The following HEATR5A variants were observed in gnomAD, a reference collection of about 807,000 sequenced individuals.
HEATR5A encodes HEAT repeat containing 5A, also known as HEAT repeat-containing protein 5A.
In HEATR5A, 178 loss-of-function variants were observed where a neutral mutation model predicts 218.8. That is an observed-to-expected ratio of 0.81 (90% CI 0.72 to 0.92). HEATR5A has a LOEUF of 0.92. Among genes scored for constraint, HEATR5A ranks in the 40% least tolerant of loss-of-function variants. HEATR5A has a pLI of 0.00. For missense variants in HEATR5A, 2,420 were observed against 2,418.9 expected, an observed-to-expected ratio of 1.00 and a Z score of -0.01; for synonymous variants, 864 against 871.6, an observed-to-expected ratio of 0.99 and a Z score of 0.15.
chr14:31,302,093 A>T (rs1899402461), intron 33 of HEATR5A, among the ~76,000 whole-genome samples: 1 of 151,816 alleles, frequency 6.6e-6, no homozygotes, highest in Non-Finnish European at 1.5e-5. Flanking sequence ...TGGCCTCCCA[A>T]AGTGCTGGGC....
intron 22 of HEATR5A, among the ~76,000 whole-genome samples, chr14:31,336,213 C>CATATATATATATAT (rs371848651): frequency 6.6e-5 from 6 of 90,728 alleles, no homozygotes; most frequent in Non-Finnish European, 1.2e-4. Context: ...TATATACATA[C>CATATATATATATAT]ATACATATAT....
At chr14:31,374,515 C>T (rs1189663070) in intron 12 of HEATR5A, among the ~76,000 whole-genome samples, 3 of 152,056 alleles carry the variant, frequency 2.0e-5, no homozygotes, top group African/African-American at 4.8e-5. Flanking sequence ...TTAAACCAAA[C>T]CTTAGTATTT....
intron 2 of HEATR5A, among the ~76,000 whole-genome samples, chr14:31,400,770 T>C (rs1490377499): frequency 1.3e-5 from 2 of 152,006 alleles, no homozygotes; most frequent in Non-Finnish European, 2.9e-5. Flanking sequence ...TTAACAAATA[T>C]AAGGGCTCTA....
chr14:31,326,324 A>T lies in HEATR5A; in HGVS notation c.3386T>A (p.Val1129Asp), dbSNP rs1453378122. 1 of 1,612,262 alleles carries T rather than the reference A, an allele frequency of 6.2e-7. No individual in the cohort carries two copies. The highest frequency in any genetic ancestry group is 8.5e-7 in the Non-Finnish European group (1 of 1,179,254). ...ELTPDANIRE[V>D]GLEGALLILL... ...GATCAACAATGCCCCCTCAAGGCCAACTTCTCTGATGTTAGCATCTGACAA... is the reference window on the plus strand; with the variant it reads ...GATCAACAATGCCCCCTCAAGGCCATCTTCTCTGATGTTAGCATCTGACAA... The change falls in exon 23 of 36, where the codon GTT (valine) becomes GAT (aspartate). Residue 1129 changes from valine to aspartate, a missense_variant. By Grantham distance (152) the Val-to-Asp change is radical. Transcript: ENST00000543095.
At chr14:31,300,277 ATTTCTT>A (rs1292625614) in intron 33 of HEATR5A, among the ~76,000 whole-genome samples, 1 of 149,414 alleles carries the variant, frequency 6.7e-6, no homozygotes, top group Non-Finnish European at 1.5e-5. Flanking sequence ...CCTAGAATCC[ATTTCTT>A]TTTCTTTTTT....
intron 12 of HEATR5A, among the ~76,000 whole-genome samples, chr14:31,373,718 AG>A (rs528007906): frequency 3.0e-4 from 46 of 152,218 alleles, no homozygotes; most frequent in Non-Finnish European, 1.5e-5. Context: ...GTGAACTTCA[AG>A]GGTCTCTTCA....
At chr14:31,353,646 C>T (rs961409182) in intron 16 of HEATR5A, among the ~76,000 whole-genome samples, 2 of 151,908 alleles carry the variant, frequency 1.3e-5, no homozygotes, top group South Asian at 2.1e-4. Flanking sequence ...TGAGGCAGGA[C>T]GATTGCTTGA....
At chr14:31,418,636 G>A (rs1211100204) in intron 1 of HEATR5A, among the ~76,000 whole-genome samples, 1 of 152,186 alleles carries the variant, frequency 6.6e-6, no homozygotes, top group Non-Finnish European at 1.5e-5. Context: ...GTTTCTCAAT[G>A]TCTCCTGAAA....
chr14:31,302,406 C>T lies in HEATR5A; in HGVS notation c.5353G>A (p.Ala1785Thr). The T allele has an allele frequency of 2.5e-6, 4 of 1,600,386 alleles. No individual in the cohort carries two copies. Among genetic ancestry groups the T allele is most frequent in the Non-Finnish European group, 3.4e-6 (4 of 1,173,072 alleles). ...GGAGAAGATAATATTCCTTTTAGAG[C>T]CTGTAGGGAAGCTGCAACTGTCGAA... The part of the protein sequence containing the change: ...LSSTVAASLQ[A>T]LKGILSSPMA... Residue 1785 changes from alanine to threonine, a missense_variant, in exon 33 of 36, where the codon GCT (alanine) becomes ACT (threonine). By Grantham distance (58) the Ala-to-Thr change is moderately conservative (BLOSUM62 0). Transcript: ENST00000543095.
At chr14:31,312,359 T>G (rs1373499337) in intron 28 of HEATR5A, among the ~76,000 whole-genome samples, 2 of 151,574 alleles carry the variant, frequency 1.3e-5, no homozygotes, top group Non-Finnish European at 2.9e-5. Context: ...GCAAAAATTA[T>G]TAAGTATGAT....
rs779966290 is a variant in HEATR5A, at chr14:31,312,964, T to C, written c.4441+4A>G. 3 of 1,599,892 alleles carry C rather than the reference T, an allele frequency of 1.9e-6. No homozygotes were observed. In the South Asian group the frequency reaches 3.3e-5, roughly 18 times the overall value. On this transcript the variant is annotated splice_donor_region_variant and intron_variant, in intron 28 of 35. Coordinates refer to ENST00000543095, the MANE Select transcript of HEATR5A (RefSeq NM_015473.4). ...GGAATTATCTAAGTATTTTATCTCC[T>C]TACCTTCAGCAGGAAGTTGGGAGGC...
chr14:31,392,775 C>T (rs1005161222), intron 6 of HEATR5A, among the ~76,000 whole-genome samples: 1 of 152,202 alleles, frequency 6.6e-6, no homozygotes, highest in African/African-American at 2.4e-5. Flanking sequence ...CAGTTGATGA[C>T]AACTCTGTAC....
chr14:31,389,731 A>G (rs1471038610), intron 6 of HEATR5A, among the ~76,000 whole-genome samples: 1 of 152,150 alleles, frequency 6.6e-6, no homozygotes. Flanking sequence ...TACAGAAATA[A>G]ACTTTTGTTA....
intron 3 of HEATR5A, 160 bp downstream of exon 3, chr14:31,400,141 C>G (rs2030817335): frequency 2.0e-6 from 1 of 510,744 alleles, no homozygotes; most frequent in Non-Finnish European, 3.4e-6. Flanking sequence ...CAGCAACTAA[C>G]ATGAAAAGTG....
intron 16 of HEATR5A, among the ~76,000 whole-genome samples, chr14:31,352,829 G>T (rs552274683): frequency 6.6e-6 from 1 of 152,142 alleles, no homozygotes; most frequent in Admixed American, 6.6e-5. Flanking sequence ...GTGGTGGCAT[G>T]TGCCTGTACT....
At position 31,371,419 on chromosome 14, in the gene HEATR5A, T is replaced by C. The variant is rs1595147380; in HGVS notation, c.1961+391A>G. 3 of 153,166 alleles carry C rather than the reference T, an allele frequency of 2.0e-5. No homozygotes were observed. In the Admixed American group the frequency reaches 2.0e-4, roughly 10 times the overall value. 9.5% of individuals were successfully genotyped at this position (153,166 alleles called of 1,614,324 possible). A position where few individuals can be genotyped will look rare whatever the true frequency, so the allele number is the denominator to read the frequency against. On this transcript the variant is annotated intron_variant, in intron 13 of 35. Coordinates refer to ENST00000543095, the MANE Select transcript of HEATR5A (RefSeq NM_015473.4). ...AGTGCTCACATTATATACTGGCTTT[T>C]CTCTATATGTTCTAATCATATACGT...
intron 22 of HEATR5A, among the ~76,000 whole-genome samples, chr14:31,331,129 T>C (rs1240530886): frequency 6.6e-6 from 1 of 151,764 alleles, no homozygotes; most frequent in African/African-American, 2.4e-5. Flanking sequence ...TTAGTAGAGA[T>C]GGGTTTTCAT....
intron 5 of HEATR5A, 55 bp downstream of exon 5, chr14:31,395,144 C>A: frequency 1.7e-6 from 2 of 1,189,340 alleles, no homozygotes; most frequent in Non-Finnish European, 2.3e-6. Context: ...CACAAAGAAG[C>A]TGATTTACTT....
At position 31,398,712 on chromosome 14, in the gene HEATR5A, A is replaced by G; in HGVS notation, c.408T>C (p.Asp136=). 6.5e-7 allele frequency: 1 copy of G among 1,531,556 alleles called. No homozygotes were observed. The highest frequency in any genetic ancestry group is 8.8e-7 in the Non-Finnish European group (1 of 1,142,438). 94.9% of individuals were successfully genotyped at this position (1,531,556 alleles called of 1,614,324 possible). ...LGRILGNTFT[D]TVGNILKAMK... is the part of the protein sequence containing the mutation. ...TAGCTTTAAGAATATTCCCCACTGT[A>G]TCAGTAAAGGTGTTACCCAGTATTC... The change falls in exon 4 of 36, where the codon GAT becomes GAC. Residue 136 remains aspartate (D), a synonymous_variant. Coordinates refer to ENST00000543095, the MANE Select transcript of HEATR5A (RefSeq NM_015473.4).
Sources: allele counts gnomAD v4.1 joint callset (sites outside exome capture counted in the v4.1 genomes callset), GRCh38; gene constraint gnomAD v4.1.1; transcripts MANE v1.5; gene names NCBI Gene and HGNC (gene_info 2026-07-23, HGNC 2026-07-21).